Variants in RND3 observed in about 807,000 individuals in gnomAD.
The protein encoded by RND3 is rho-related GTP-binding protein RhoE.
RND3 carries 8 observed loss-of-function variants against 26.5 expected under a neutral mutation model. That is an observed-to-expected ratio of 0.30 (90% CI 0.18 to 0.54). The LOEUF (loss-of-function observed/expected upper bound fraction) is 0.54. RND3 is among the 20% of genes least tolerant of loss of function. The probability of loss-of-function intolerance (pLI) is 0.94; values close to 1 mark genes in which losing one functional copy is unlikely to be tolerated. For synonymous variants in RND3, 113 were observed against 113.0 expected, an observed-to-expected ratio of 1.00 and a Z score of 0.00; for missense variants, 207 against 302.8, an observed-to-expected ratio of 0.68 and a Z score of 2.35.
intron 3 of RND3, among the ~76,000 whole-genome samples, chr2:150,478,578 G>GAAAAAAAAAAAAAAA (rs752844515): frequency 1.3e-4 from 10 of 74,164 alleles, no homozygotes; most frequent in Non-Finnish European, 1.8e-4. Context: ...AAGCCAAACG[G>GAAAAAAAAAAAAAAA]CAAAAAAAAA....
Position 150,471,626 on chromosome 2 carries a change from C to T in RND3, c.483+1G>A, listed in dbSNP as rs1686089113. On this transcript the variant is annotated splice_donor_variant, in intron 5 of 5. Transcript: ENST00000263895. LOFTEE classifies it high-confidence loss of function. ...GTTTTGCACATGGGCAACATACATA[C>T]CTGGTCATAGGACACTGGCGTCTGC... 6.2e-7 allele frequency: 1 copy of T among 1,606,756 alleles called. No individual in the cohort carries two copies. Among genetic ancestry groups the T allele is most frequent in the African/African-American group, 1.3e-5 (1 of 74,482 alleles).
rs1392521357 is a variant in RND3, at chr2:150,469,791, T to A, written c.*196A>T. ...CAAGTCACACTTAAAAACTCTTCCATGTATTCACTTCTCATCACTTGGTCT... is the reference window on the plus strand; with the variant it reads ...CAAGTCACACTTAAAAACTCTTCCAAGTATTCACTTCTCATCACTTGGTCT... On this transcript the variant is annotated 3_prime_UTR_variant, in exon 6 of 6. Coordinates refer to ENST00000263895, the MANE Select transcript of RND3 (RefSeq NM_005168.5). 1.7e-6 allele frequency: 1 copy of A among 581,570 alleles called. No homozygotes were observed. Among genetic ancestry groups the A allele is most frequent in the Non-Finnish European group, 3.0e-6 (1 of 333,864 alleles). 36.0% of individuals were successfully genotyped at this position (581,570 alleles called of 1,614,324 possible).
Position 150,469,904 on chromosome 2 carries a change from G to T in RND3, c.*83C>A. 1 of 1,508,638 alleles carries T rather than the reference G, an allele frequency of 6.6e-7. No individual in the cohort carries two copies. Among genetic ancestry groups the T allele is most frequent in the Non-Finnish European group, 9.1e-7 (1 of 1,102,712 alleles). 93.5% of individuals were successfully genotyped at this position (1,508,638 alleles called of 1,614,324 possible). A position where few individuals can be genotyped will look rare whatever the true frequency, so the allele number is the denominator to read the frequency against. On this transcript the variant is annotated 3_prime_UTR_variant, in exon 6 of 6. Coordinates refer to ENST00000263895, the MANE Select transcript of RND3 (RefSeq NM_005168.5). The stretch of plus-strand genomic sequence containing the variant: ...CTCTGGTATACATGACTTTGGCTGT[G>T]CACTTCATTTAGACTTCACCTTTTT...
At position 150,474,958 on chromosome 2, in the gene RND3, G is replaced by A; in HGVS notation, c.265C>T (p.Pro89Ser). 6.2e-7 allele frequency: 1 copy of A among 1,612,686 alleles called. No homozygotes were observed. Among genetic ancestry groups the A allele is most frequent in the South Asian group, 1.1e-5 (1 of 91,036 alleles). The change falls in exon 4 of 6, where the codon CCC (proline) becomes TCC (serine). Residue 89 changes from proline (P) to serine (S), a missense_variant. Transcript: ENST00000263895. ...GCATCCGAATCAGGGTAAGAGAGGG[G>A]GCGGACATTGTCATAGTAAGGAGAA... is the stretch of plus-strand genomic sequence containing the variant. ...SGSPYYDNVR[P>S]LSYPDSDAVL...
At chr2:150,475,635 C>T (rs1392941643) in intron 3 of RND3, among the ~76,000 whole-genome samples, 1 of 152,172 alleles carries the variant, frequency 6.6e-6, no homozygotes, top group East Asian at 1.9e-4. Context: ...AAAGAGAAAC[C>T]ACATCAGTGT....
chr2:150,476,521 G>C (rs141268733), intron 3 of RND3, among the ~76,000 whole-genome samples: 230 of 152,248 alleles, frequency 1.5e-3, no homozygotes, highest in African/African-American at 5.3e-3. Flanking sequence ...AGAAAAGAAT[G>C]TTACAAGAAT....
intron 5 of RND3, among the ~76,000 whole-genome samples, chr2:150,470,931 C>T (rs1224371622): frequency 6.6e-6 from 1 of 152,050 alleles, no homozygotes; most frequent in Non-Finnish European, 1.5e-5. Context: ...GGCCGAAATG[C>T]GTTGAGGAAA....
intron 4 of RND3, chr2:150,472,085 A>T (rs2105216396): frequency 3.8e-6 from 1 of 262,910 alleles, no homozygotes; most frequent in Non-Finnish European, 7.4e-6. Flanking sequence ...GTGTCTCTTA[A>T]AGATAAATGT....
intron 4 of RND3, among the ~76,000 whole-genome samples, chr2:150,473,200 A>G (rs1323555921): frequency 6.6e-6 from 1 of 152,070 alleles, no homozygotes; most frequent in Non-Finnish European, 1.5e-5. Context: ...CCTCTTTGAT[A>G]GTGAAGGACT....
chr2:150,477,845 G>A (rs577404402), intron 3 of RND3, among the ~76,000 whole-genome samples: 4 of 152,270 alleles, frequency 2.6e-5, no homozygotes, highest in East Asian at 1.9e-4. Context: ...TAATTTTTAA[G>A]AGGTTTAACA....
In RND3 at chr2:150,486,584, C is replaced by T; in HGVS notation, c.238+110G>A. The T allele has an allele frequency of 2.4e-6, 2 of 824,566 alleles. No homozygotes were observed. The highest frequency in any genetic ancestry group is 4.3e-6 in the Non-Finnish European group (2 of 464,876). 51.1% of individuals were successfully genotyped at this position (824,566 alleles called of 1,614,324 possible). A position where few individuals can be genotyped will look rare whatever the true frequency, so the allele number is the denominator to read the frequency against. ...TCGCCCAACAGGGACCGTGGGAATC[C>T]CTTGGGAGGGGCGCAGACGGCTTGT... On this transcript the variant is annotated intron_variant, in intron 3 of 5. Transcript: ENST00000263895. This position sits in a 1 kb window ranked among gnomAD's most constrained non-coding sequence, Gnocchi z 4.5.
intron 3 of RND3, among the ~76,000 whole-genome samples, chr2:150,483,157 T>G (rs1436319849): frequency 6.6e-6 from 1 of 152,222 alleles, no homozygotes; most frequent in Admixed American, 6.5e-5. Context: ...CACTTGGTAG[T>G]CTTTCTCACA....
At position 150,468,434 on chromosome 2, in the gene RND3, A is replaced by G. The variant is rs1274455611; in HGVS notation, c.*1553T>C. ...AGCATAATGCTGCATCAATCAAAGC[A>G]TATTATGTTGGTAAAATGTCTGTAT... On this transcript the variant is annotated 3_prime_UTR_variant, in exon 6 of 6. Coordinates refer to ENST00000263895, the MANE Select transcript of RND3 (RefSeq NM_005168.5). The G allele has an allele frequency of 1.3e-5, 2 of 152,670 alleles. 1 individual carries two copies. Among genetic ancestry groups the G allele is most frequent in the Non-Finnish European group, 2.9e-5 (2 of 68,050 alleles). The allele number at this position is 152,670 out of a possible 1,614,324, so 9.5% of individuals were successfully genotyped here.
chr2:150,482,526 T>C (rs2105222286), intron 3 of RND3, among the ~76,000 whole-genome samples: 1 of 152,320 alleles, frequency 6.6e-6, no homozygotes, highest in African/African-American at 2.4e-5. Context: ...ATTAAGAATG[T>C]TCATTTTATA....
chr2:150,481,112 G>A (rs191371642), intron 3 of RND3, among the ~76,000 whole-genome samples: 1 of 152,298 alleles, frequency 6.6e-6, no homozygotes, highest in Non-Finnish European at 1.5e-5. Flanking sequence ...GAGTTTCCAC[G>A]TGGAAGAAAC....
intron 4 of RND3, among the ~76,000 whole-genome samples, chr2:150,473,144 A>AG (rs1491520870): frequency 1.1e-5 from 1 of 94,706 alleles, no homozygotes; most frequent in African/African-American, 3.1e-5. Flanking sequence ...GGTGAACTGG[A>AG]AAAAAAAAAA....
intron 4 of RND3, among the ~76,000 whole-genome samples, chr2:150,473,048 TCCTCTCTC>T (rs768634242): frequency 1.4e-5 from 2 of 139,320 alleles, no homozygotes; most frequent in Non-Finnish European, 1.6e-5. Flanking sequence ...CTCCCTCCCT[TCCTCTCTC>T]CCTCTCTCCC....
chr2:150,484,577 C>T (rs1481186483), intron 3 of RND3, among the ~76,000 whole-genome samples: 1 of 152,170 alleles, frequency 6.6e-6, no homozygotes, highest in Non-Finnish European at 1.5e-5. Context: ...GCTTTGCAGG[C>T]TGTGAAAACC....
chr2:150,487,160 CT>C (rs1411913210), intron 2 of RND3, 107 bp downstream of exon 2: 29,642 of 476,376 alleles, frequency 0.062, 8 homozygotes, highest in East Asian at 0.12. Context: ...TTTTTTTTTT[CT>C]TTTTTTTTTT....
Sources: allele counts gnomAD v4.1 joint callset (sites outside exome capture counted in the v4.1 genomes callset), GRCh38; gene constraint gnomAD v4.1.1; non-coding constraint Gnocchi (gnomAD v3.1); transcripts MANE v1.5; gene names NCBI Gene and HGNC (gene_info 2026-07-23, HGNC 2026-07-21).